The following ARHGEF26 variants were observed in gnomAD, a reference collection of about 807,000 sequenced individuals.
The protein encoded by ARHGEF26 is Rho guanine nucleotide exchange factor (GEF) 26.
Under a neutral mutation model 89.4 loss-of-function variants are expected in ARHGEF26, and 59 were observed. That is an observed-to-expected ratio of 0.66 (90% CI 0.54 to 0.82). The LOEUF (loss-of-function observed/expected upper bound fraction) is 0.82, where lower values mean the gene tolerates loss of function less well. ARHGEF26 is among the 40% of genes least tolerant of loss of function. ARHGEF26 has a pLI of 0.00. For synonymous variants in ARHGEF26, 500 were observed against 428.4 expected, an observed-to-expected ratio of 1.17 and a Z score of -2.06; for missense variants, 1,234 against 1,085.6, an observed-to-expected ratio of 1.14 and a Z score of -1.92.
At chr3:154,166,196 A>G (rs771588690) in intron 6 of ARHGEF26, among the ~76,000 whole-genome samples, 6 of 152,042 alleles carry the variant, frequency 3.9e-5, no homozygotes, top group East Asian at 3.9e-4. Flanking sequence ...GACTACAGGC[A>G]CATGCCACCA....
chr3:154,175,160 C>T (rs1712726440), intron 6 of ARHGEF26, among the ~76,000 whole-genome samples: 1 of 152,144 alleles, frequency 6.6e-6, no homozygotes, highest in Non-Finnish European at 1.5e-5. Flanking sequence ...GCATCCCATT[C>T]ATCTTGTATT....
At chr3:154,187,172 G>A in intron 6 of ARHGEF26, 1 of 975,634 alleles carries the variant, frequency 1.0e-6, no homozygotes, top group South Asian at 4.7e-5. Flanking sequence ...TTACACATGT[G>A]AGCCACCACA....
intron 10 of ARHGEF26, among the ~76,000 whole-genome samples, chr3:154,222,228 T>C (rs186161647): frequency 5.3e-5 from 8 of 152,296 alleles, no homozygotes; most frequent in African/African-American, 9.6e-5. Context: ...GGAAAGTAAA[T>C]TTTGTAGGGC....
In ARHGEF26 at chr3:154,256,885, G is replaced by A. The variant is rs1718552498; in HGVS notation, c.*1412G>A. 1 of 1,534,916 alleles carries A rather than the reference G, an allele frequency of 6.5e-7. No individual in the cohort carries two copies. The highest frequency in any genetic ancestry group is 1.2e-5 in the South Asian group (1 of 83,966). Reference sequence around the variant, plus strand: ...TCCACTAGTGCACAGAGAGAGAAAGGTTATCTTAATAGTCGGTTTCATGGA... The same window carrying A: ...TCCACTAGTGCACAGAGAGAGAAAGATTATCTTAATAGTCGGTTTCATGGA... On this transcript the variant is annotated 3_prime_UTR_variant, in exon 15 of 15. Transcript: ENST00000465093.
chr3:154,151,587 C>G (rs73160535), intron 5 of ARHGEF26, among the ~76,000 whole-genome samples: 4,164 of 152,274 alleles, frequency 0.027, 77 homozygotes, highest in Middle Eastern at 0.054. Context: ...AGACTCTTAA[C>G]ATTCTTACTC....
chr3:154,197,948 G>A (rs752934505), intron 9 of ARHGEF26, among the ~76,000 whole-genome samples: 9 of 152,146 alleles, frequency 5.9e-5, no homozygotes, highest in Admixed American at 2.0e-4. Flanking sequence ...CATGGAAAGA[G>A]AATGTCTGCT....
At chr3:154,159,860 A>G (rs1711556649) in intron 6 of ARHGEF26, among the ~76,000 whole-genome samples, 1 of 152,108 alleles carries the variant, frequency 6.6e-6, no homozygotes, top group Non-Finnish European at 1.5e-5. Flanking sequence ...AAACACATTA[A>G]ATTTAACTAG....
At chr3:154,210,002 C>A (rs772687024) in intron 9 of ARHGEF26, among the ~76,000 whole-genome samples, 6 of 152,182 alleles carry the variant, frequency 3.9e-5, no homozygotes, top group African/African-American at 1.4e-4. Context: ...TTTCCAAAGA[C>A]GGGAGCCTCT....
At chr3:154,136,360 C>G (rs1205977157) in intron 4 of ARHGEF26, among the ~76,000 whole-genome samples, 8 of 143,056 alleles carry the variant, frequency 5.6e-5, no homozygotes, top group Non-Finnish European at 1.2e-4. Context: ...CTAAGTGTGA[C>G]TAACAGTGCA....
chr3:154,124,502 T>G, intron 3 of ARHGEF26, 53 bp downstream of exon 3: 1 of 1,468,908 alleles, frequency 6.8e-7, no homozygotes, highest in Non-Finnish European at 9.1e-7. Context: ...GGAATACCAA[T>G]TATAAGTTGA....
chr3:154,213,024 T>G (rs1283730536), intron 9 of ARHGEF26, among the ~76,000 whole-genome samples: 4 of 152,178 alleles, frequency 2.6e-5, no homozygotes, highest in African/African-American at 9.7e-5. Flanking sequence ...TGTTTTAAAT[T>G]CTTTTGTATA....
intron 6 of ARHGEF26, among the ~76,000 whole-genome samples, chr3:154,160,018 G>A (rs1711562065): frequency 6.6e-6 from 1 of 152,042 alleles, no homozygotes; most frequent in Non-Finnish European, 1.5e-5. Context: ...GGTAAACAAA[G>A]CCATTACCTT....
intron 11 of ARHGEF26, among the ~76,000 whole-genome samples, chr3:154,230,552 T>C (rs1393803481): frequency 6.6e-6 from 1 of 152,244 alleles, no homozygotes; most frequent in African/African-American, 2.4e-5. Context: ...AGTATTTTTA[T>C]AGTTTTACTG....
At chr3:154,248,934 G>C (rs988596953) in intron 12 of ARHGEF26, among the ~76,000 whole-genome samples, 1 of 152,034 alleles carries the variant, frequency 6.6e-6, no homozygotes, top group African/African-American at 2.4e-5. Context: ...AACTAATCTA[G>C]TTGAATTGAG....
At chr3:154,146,530 C>A (rs555261113) in intron 4 of ARHGEF26, among the ~76,000 whole-genome samples, 5 of 152,274 alleles carry the variant, frequency 3.3e-5, no homozygotes, top group Admixed American at 3.3e-4. Context: ...GAAGAAATAT[C>A]TTGTAGTGTT....
intron 4 of ARHGEF26, among the ~76,000 whole-genome samples, chr3:154,146,230 G>T (rs1031614412): frequency 6.6e-6 from 1 of 152,196 alleles, no homozygotes; most frequent in African/African-American, 2.4e-5. Context: ...AGGGTTAGGG[G>T]TTTCTCTGGG....
At chr3:154,140,307 T>C (rs576642860) in intron 4 of ARHGEF26, among the ~76,000 whole-genome samples, 2 of 152,358 alleles carry the variant, frequency 1.3e-5, no homozygotes, top group East Asian at 3.9e-4. Flanking sequence ...ACAAATTCTT[T>C]ACTTTGTAAC....
chr3:154,144,599 T>C (rs1719589717), intron 4 of ARHGEF26, among the ~76,000 whole-genome samples: 1 of 152,210 alleles, frequency 6.6e-6, no homozygotes, highest in African/African-American at 2.4e-5. Flanking sequence ...TAGTTTGTAT[T>C]CTCAGCCTCA....
chr3:154,235,487 CAAT>C (rs769288261), intron 11 of ARHGEF26, among the ~76,000 whole-genome samples: 4 of 152,158 alleles, frequency 2.6e-5, no homozygotes, highest in African/African-American at 4.8e-5. Flanking sequence ...TATTTTCAGT[CAAT>C]GATGTCATCT....
Sources: allele counts gnomAD v4.1 joint callset (sites outside exome capture counted in the v4.1 genomes callset), GRCh38; gene constraint gnomAD v4.1.1; transcripts MANE v1.5; gene names NCBI Gene and HGNC (gene_info 2026-07-23, HGNC 2026-07-21).